Variants in EFNB2 observed in about 807,000 individuals in gnomAD.
EFNB2 encodes ephrin B2.
In EFNB2, 5 loss-of-function variants were observed where a neutral mutation model predicts 32.1. That is an observed-to-expected ratio of 0.16 (90% confidence interval 0.08 to 0.33). The LOEUF (loss-of-function observed/expected upper bound fraction) is 0.33, where lower values mean the gene tolerates loss of function less well. EFNB2 is among the 10% of genes least tolerant of loss of function. The probability of loss-of-function intolerance (pLI) is 1.00; values close to 1 mark genes in which losing one functional copy is unlikely to be tolerated. For synonymous variants in EFNB2, 168 were observed against 166.5 expected (o/e 1.01, Z -0.07); for missense variants, 263 against 422.6 (o/e 0.62, Z 3.31).
At chr13:106,506,503 G>A (rs1878956804) in intron 2 of EFNB2, 1 of 152,176 alleles carries the variant, frequency 6.6e-6, no homozygotes, top group South Asian at 2.1e-4. Context: ...TCTTGGTAAA[G>A]GAAGCTCAAG....
rs944663129 is a variant in EFNB2, at chr13:106,491,698, A to C, written c.*1342T>G. ...GCACCCGGACAGCACCGCATAAACC[A>C]AAGTGTCGTAAGGCTCAATCGGGAG... On this transcript the variant is annotated 3_prime_UTR_variant, in exon 5 of 5. Coordinates refer to ENST00000646441, the MANE Select transcript of EFNB2 (RefSeq NM_004093.4). 6.6e-6 allele frequency: 1 copy of C among 152,512 alleles called. No homozygotes were observed. The highest frequency in any genetic ancestry group is 2.4e-5 in the African/African-American group (1 of 41,380). 9.4% of individuals were successfully genotyped at this position (152,512 alleles called of 1,614,324 possible).
chr13:106,492,907 CGAG>C lies in EFNB2; in HGVS notation c.*130_*132del, dbSNP rs952292858. 8.8e-6 allele frequency: 11 copies of C among 1,251,204 alleles called. No individual in the cohort carries two copies. The highest frequency in any genetic ancestry group is 3.0e-5 in the African/African-American group (2 of 66,596). The allele number at this position is 1,251,204 out of a possible 1,614,324, so 77.5% of individuals were successfully genotyped here. A position where few individuals can be genotyped will look rare whatever the true frequency, so the allele number is the denominator to read the frequency against. ...AGCTGTCCAGCGCGACGGGCTCTTC[CGAG>C]GAGGAGTGTCCCTCTCCCCCGGTGC... On this transcript the variant is annotated 3_prime_UTR_variant, in exon 5 of 5. Transcript: ENST00000646441. This position sits in a 1 kb window ranked among gnomAD's most constrained non-coding sequence, Gnocchi z 5.1.
At chr13:106,498,137 T>C (rs1878651630) in intron 2 of EFNB2, among the ~76,000 whole-genome samples, 3 of 152,030 alleles carry the variant, frequency 2.0e-5, no homozygotes, top group Admixed American at 6.6e-5. Context: ...TTGCTAAAAG[T>C]TTCAACACTA....
At chr13:106,513,343 C>T (rs1465023607) in intron 1 of EFNB2, among the ~76,000 whole-genome samples, 4 of 151,182 alleles carry the variant, frequency 2.6e-5, no homozygotes, top group Non-Finnish European at 5.9e-5. Flanking sequence ...CATAATTAGT[C>T]AGTCACTGAT....
At chr13:106,504,680 A>G (rs1028601575) in intron 2 of EFNB2, among the ~76,000 whole-genome samples, 6 of 152,194 alleles carry the variant, frequency 3.9e-5, no homozygotes, top group Admixed American at 3.3e-4. Context: ...GCAAAGCACA[A>G]CTGTCACCCA....
intron 2 of EFNB2, among the ~76,000 whole-genome samples, chr13:106,505,415 A>G (rs1041365335): frequency 6.6e-6 from 1 of 152,248 alleles, no homozygotes; most frequent in Middle Eastern, 3.4e-3. Flanking sequence ...AGCTACTCAC[A>G]CTAAGTTTCA....
Position 106,526,557 on chromosome 13 carries a change from A to T in EFNB2, c.122+8286T>A, listed in dbSNP as rs577677945. 1.4e-4 allele frequency among the ~76,000 whole-genome samples: 22 copies of T among 151,856 alleles called. No homozygotes were observed. In the South Asian group the frequency reaches 4.4e-3, roughly 30 times the overall value. On this transcript the variant is annotated intron_variant, in intron 1 of 4. Transcript: ENST00000646441. ...CATGAACTTTACTGGACAGTCCATT[A>T]TAATAATGATCCATTTTCCCATAGC...
intron 1 of EFNB2, among the ~76,000 whole-genome samples, chr13:106,527,766 A>G (rs955489353): frequency 1.3e-5 from 2 of 152,192 alleles, no homozygotes; most frequent in African/African-American, 4.8e-5. Context: ...CTTATCTCTA[A>G]TACTTCTGAA....
intron 2 of EFNB2, among the ~76,000 whole-genome samples, chr13:106,498,931 T>A (rs892838205): frequency 2.0e-5 from 3 of 152,142 alleles, no homozygotes; most frequent in African/African-American, 7.2e-5. Flanking sequence ...AATTCACTAC[T>A]AATATCAAAA....
At chr13:106,500,467 G>A (rs184268137) in intron 2 of EFNB2, among the ~76,000 whole-genome samples, 27 of 152,302 alleles carry the variant, frequency 1.8e-4, no homozygotes, top group Non-Finnish European at 2.1e-4. Context: ...AAAATGTAGC[G>A]TATTTGTATG....
At chr13:106,494,761 A>C (rs897797052) in intron 4 of EFNB2, 120 bp downstream of exon 4, 2 of 719,532 alleles carry the variant, frequency 2.8e-6, no homozygotes, top group Non-Finnish European at 4.9e-6. Flanking sequence ...ATTCCTGATC[A>C]CTGTAACTTC....
Position 106,535,125 on chromosome 13 carries a change from G to T in EFNB2, c.-161C>A. The T allele has an allele frequency of 1.2e-6, 1 of 854,446 alleles. No individual in the cohort carries two copies. Among genetic ancestry groups the T allele is most frequent in the Non-Finnish European group, 1.6e-6 (1 of 642,080 alleles). The allele number at this position is 854,446 out of a possible 1,614,324, so 52.9% of individuals were successfully genotyped here. ...GCAGCTCCAGCGGTCGCCGGGCCAG[G>T]TGCGCTCGCTCTCCGGGGCCCTCAG... On this transcript the variant is annotated 5_prime_UTR_variant, in exon 1 of 5. Coordinates refer to ENST00000646441, the MANE Select transcript of EFNB2 (RefSeq NM_004093.4).
rs750255408 is a variant in EFNB2, at chr13:106,493,519, T to C, written c.614-91A>G. ...TTATGACCCTTAAAAATGTGAAAAA[T>C]AAGCCAGGCTTATTACTAACTAGAA... On this transcript the variant is annotated intron_variant, in intron 4 of 4. Transcript: ENST00000646441. This position sits in a 1 kb window ranked among gnomAD's most constrained non-coding sequence, Gnocchi z 6.1. 222 of 1,487,488 alleles carry C rather than the reference T, an allele frequency of 1.5e-4. No homozygotes were observed. Among genetic ancestry groups the C allele is most frequent in the Non-Finnish European group, 1.8e-4 (206 of 1,118,214 alleles). The allele number at this position is 1,487,488 out of a possible 1,614,324, so 92.1% of individuals were successfully genotyped here. A position where few individuals can be genotyped will look rare whatever the true frequency, so the allele number is the denominator to read the frequency against.
chr13:106,511,878 C>A (rs1178867794), intron 2 of EFNB2, among the ~76,000 whole-genome samples: 1 of 152,088 alleles, frequency 6.6e-6, no homozygotes, highest in African/African-American at 2.4e-5. Flanking sequence ...TCAGATATGA[C>A]CCAAGGGATA....
At chr13:106,509,627 CTGTGTGTGTGTGTGTGTGTGTGTG>C (rs34068695) in intron 2 of EFNB2, among the ~76,000 whole-genome samples, 1 of 142,572 alleles carries the variant, frequency 7.0e-6, no homozygotes, top group African/African-American at 2.6e-5. Flanking sequence ...CAGAGCTTGA[CTGTGTGTGTGTGTGTGTGTGTGTG>C]TGTGTGTGTG....
chr13:106,522,264 G>A (rs914854481), intron 1 of EFNB2, among the ~76,000 whole-genome samples: 3 of 152,198 alleles, frequency 2.0e-5, no homozygotes, highest in Non-Finnish European at 4.4e-5. Flanking sequence ...ATAACCTTCA[G>A]AGACAAGATG....
chr13:106,526,619 T>C (rs1483580728), intron 1 of EFNB2, among the ~76,000 whole-genome samples: 2 of 152,192 alleles, frequency 1.3e-5, no homozygotes, highest in South Asian at 2.1e-4. Flanking sequence ...ACTTGCTTTT[T>C]TTTTAAATCT....
At chr13:106,531,113 T>C (rs1879855763) in intron 1 of EFNB2, among the ~76,000 whole-genome samples, 1 of 152,218 alleles carries the variant, frequency 6.6e-6, no homozygotes, top group Admixed American at 6.5e-5. Flanking sequence ...GTCAACAGCT[T>C]ATGCTTTGTA....
rs571385795 is a variant in EFNB2 at position 106,492,892 on chromosome 13, C to T, written c.*148G>A. On this transcript the variant is annotated 3_prime_UTR_variant, in exon 5 of 5. Transcript: ENST00000646441. The surrounding 1 kb of genome is among the most constrained non-coding windows in gnomAD (Gnocchi z 5.1). ...CTACAAGACTAGGTAAGCTGTCCAG[C>T]GCGACGGGCTCTTCCGAGGAGGAGT... 42 of 1,051,234 alleles carry T rather than the reference C, an allele frequency of 4.0e-5. No homozygotes were observed. The highest frequency in any genetic ancestry group is 1.3e-4 in the East Asian group (5 of 39,266). 65.1% of individuals were successfully genotyped at this position (1,051,234 alleles called of 1,614,324 possible).
Sources: gnomAD v4.1 joint callset for allele counts (sites outside exome capture counted in the v4.1 genomes callset) on GRCh38, gnomAD v4.1.1 for gene constraint, Gnocchi (gnomAD v3.1) non-coding constraint, MANE v1.5 for transcripts, NCBI Gene and HGNC (gene_info 2026-07-23, HGNC 2026-07-21) for gene names.